Variants in ZBTB20 observed in about 807,000 individuals in gnomAD.
The protein encoded by ZBTB20 is zinc finger and BTB domain-containing protein 20.
A neutral mutation model predicts 56.9 loss-of-function variants in ZBTB20; 9 were observed. The ratio of observed to expected loss-of-function variants is 0.16; its 90% CI spans 0.10 to 0.28. ZBTB20 has a LOEUF of 0.28. ZBTB20 is among the 10% of genes least tolerant of loss of function. ZBTB20 has a pLI of 1.00. For synonymous variants in ZBTB20, 417 were observed against 420.7 expected (o/e 0.99, Z 0.11); for missense variants, 655 against 1,003.0 (o/e 0.65, Z 4.69).
At chr3:114,576,637 C>A (rs1003535280) in intron 6 of ZBTB20, among the ~76,000 whole-genome samples, 1 of 144,036 alleles carries the variant, frequency 6.9e-6, no homozygotes, top group Non-Finnish European at 1.5e-5. Context: ...TTTCTCATTT[C>A]ATGTAGGATA....
intron 5 of ZBTB20, among the ~76,000 whole-genome samples, chr3:114,772,603 T>A (rs2069297577): frequency 6.6e-6 from 1 of 152,166 alleles, no homozygotes; most frequent in Non-Finnish European, 1.5e-5. Flanking sequence ...CCAAGTTTCA[T>A]AACATATATA....
chr3:114,902,778 G>A (rs1332050851), intron 3 of ZBTB20, among the ~76,000 whole-genome samples: 2 of 152,156 alleles, frequency 1.3e-5, no homozygotes, highest in Non-Finnish European at 2.9e-5. Context: ...ACAGGCTGCA[G>A]TTATTTATTG....
At chr3:115,034,438 A>G (rs1376017932) in intron 2 of ZBTB20, among the ~76,000 whole-genome samples, 1 of 151,854 alleles carries the variant, frequency 6.6e-6, no homozygotes, top group Non-Finnish European at 1.5e-5. Flanking sequence ...ACATTGCTAC[A>G]CACTAACACT....
chr3:114,534,753 C>G (rs988190612), intron 6 of ZBTB20, among the ~76,000 whole-genome samples: 1 of 152,184 alleles, frequency 6.6e-6, no homozygotes, highest in Non-Finnish European at 1.5e-5. Flanking sequence ...AATCACTCCT[C>G]AGCAAATGTA....
intron 6 of ZBTB20, among the ~76,000 whole-genome samples, chr3:114,603,780 CAT>C (rs2056936363): frequency 2.6e-5 from 4 of 151,898 alleles, no homozygotes; most frequent in Admixed American, 2.6e-4. Flanking sequence ...TGACATTAAA[CAT>C]ATTAAAAAAG....
chr3:114,548,715 C>G (rs1380294780), intron 6 of ZBTB20, among the ~76,000 whole-genome samples: 1 of 151,908 alleles, frequency 6.6e-6, no homozygotes, highest in Non-Finnish European at 1.5e-5. Flanking sequence ...GACGGGGTTT[C>G]GCCATATTGG....
chr3:114,844,127 C>A (rs531075252), intron 4 of ZBTB20, among the ~76,000 whole-genome samples: 2 of 150,258 alleles, frequency 1.3e-5, no homozygotes, highest in South Asian at 2.1e-4. Context: ...TACTATGCAG[C>A]GAAAAAAATG....
intron 8 of ZBTB20, among the ~76,000 whole-genome samples, chr3:114,381,808 C>A (rs964604115): frequency 2.0e-5 from 3 of 152,140 alleles, no homozygotes; most frequent in African/African-American, 7.2e-5. Context: ...CTTCAGAGGG[C>A]AGGAGGCAGA....
intron 4 of ZBTB20, among the ~76,000 whole-genome samples, chr3:114,810,803 G>C (rs1315074539): frequency 6.6e-6 from 1 of 152,136 alleles, no homozygotes; most frequent in East Asian, 1.9e-4. Flanking sequence ...TGCATGTGGG[G>C]TGGCGGGGGG....
At chr3:114,995,131 T>C (rs1238240752) in intron 2 of ZBTB20, among the ~76,000 whole-genome samples, 2 of 151,854 alleles carry the variant, frequency 1.3e-5, no homozygotes, top group Non-Finnish European at 2.9e-5. Context: ...TGAAAGCATA[T>C]GCATTAACTT....
rs1374726684 is a variant in ZBTB20, at chr3:114,335,496, A to C, written c.*3509T>G. 6.6e-6 allele frequency: 1 copy of C among 152,246 alleles called. No homozygotes were observed. Among genetic ancestry groups the C allele is most frequent in the African/African-American group, 2.4e-5 (1 of 41,472 alleles). The allele number at this position is 152,246 out of a possible 1,614,324, so 9.4% of individuals were successfully genotyped here. ...ATCTAAAAGCATCTCTATCCTTTTGAAACAGGTCCAGATTGGTTTATTTCC... is the reference window on the plus strand; with the variant it reads ...ATCTAAAAGCATCTCTATCCTTTTGCAACAGGTCCAGATTGGTTTATTTCC... On this transcript the variant is annotated 3_prime_UTR_variant, in exon 12 of 12. Coordinates refer to ENST00000675478, the MANE Select transcript of ZBTB20 (RefSeq NM_001348800.3).
chr3:114,752,611 G>C (rs1344512832), intron 5 of ZBTB20, among the ~76,000 whole-genome samples: 3 of 152,174 alleles, frequency 2.0e-5, no homozygotes, highest in Non-Finnish European at 4.4e-5. Context: ...TTACTTAGGT[G>C]ATCAAGGGGA....
chr3:114,522,427 T>C (rs1343348099), intron 6 of ZBTB20, among the ~76,000 whole-genome samples: 1 of 152,162 alleles, frequency 6.6e-6, no homozygotes, highest in Non-Finnish European at 1.5e-5. Flanking sequence ...TGTGAACTAC[T>C]GCAAAGGCTT....
chr3:114,449,957 C>T (rs1443304124), intron 7 of ZBTB20, among the ~76,000 whole-genome samples: 1 of 152,084 alleles, frequency 6.6e-6, no homozygotes, highest in Non-Finnish European at 1.5e-5. Flanking sequence ...ATTTACGCTG[C>T]TCGTATTAAG....
intron 6 of ZBTB20, among the ~76,000 whole-genome samples, chr3:114,598,689 T>A (rs2056521300): frequency 6.6e-6 from 1 of 152,068 alleles, no homozygotes; most frequent in Admixed American, 6.6e-5. Flanking sequence ...GTGGTAAGGT[T>A]ATGAGGAATT....
intron 7 of ZBTB20, among the ~76,000 whole-genome samples, chr3:114,440,439 T>C (rs2090835617): frequency 6.6e-6 from 1 of 152,144 alleles, no homozygotes; most frequent in African/African-American, 2.4e-5. Context: ...ATCTAAATAA[T>C]GGGTAATGTA....
chr3:114,508,713 T>G (rs1187037371), intron 6 of ZBTB20, among the ~76,000 whole-genome samples: 1 of 151,942 alleles, frequency 6.6e-6, no homozygotes, highest in African/African-American at 2.4e-5. Flanking sequence ...AAAAATGAAT[T>G]CAAGAGAGAG....
chr3:114,647,107 T>C (rs1289285695), intron 6 of ZBTB20, among the ~76,000 whole-genome samples: 2 of 151,992 alleles, frequency 1.3e-5, no homozygotes, highest in African/African-American at 2.4e-5. Context: ...CACAGGCACC[T>C]GCCACCACGC....
chr3:114,728,544 A>G (rs947963255), intron 5 of ZBTB20, among the ~76,000 whole-genome samples: 5 of 152,260 alleles, frequency 3.3e-5, no homozygotes, highest in African/African-American at 4.8e-5. Context: ...ATGCAGCTCA[A>G]GATGTAATGG....
Sources: allele counts gnomAD v4.1 joint callset (sites outside exome capture counted in the v4.1 genomes callset), GRCh38; gene constraint gnomAD v4.1.1; transcripts MANE v1.5; gene names NCBI Gene and HGNC (gene_info 2026-07-23, HGNC 2026-07-21).